Variants in UBE2U observed in about 807,000 individuals in gnomAD.
UBE2U encodes ubiquitin-conjugating enzyme E2 U.
A neutral mutation model predicts 41.2 loss-of-function variants in UBE2U; 39 were observed. That is an observed-to-expected ratio of 0.95 (90% CI 0.73 to 1.24). UBE2U has a LOEUF of 1.24. UBE2U is among the 50% of genes most tolerant of loss of function. UBE2U has a pLI of 0.00. For missense variants in UBE2U, 336 were observed against 363.1 expected (o/e 0.93, Z 0.61); for synonymous variants, 107 against 117.8 (o/e 0.91, Z 0.60).
intron 4 of UBE2U, among the ~76,000 whole-genome samples, chr1:64,212,795 A>C (rs1324030048): frequency 1.3e-5 from 2 of 152,192 alleles, no homozygotes; most frequent in Non-Finnish European, 2.9e-5. Context: ...TTAGGATTTC[A>C]GATTTTCAGA....
At chr1:64,265,234 A>C (rs1645238413) in intron 9 of UBE2U, among the ~76,000 whole-genome samples, 1 of 152,186 alleles carries the variant, frequency 6.6e-6, no homozygotes, top group Non-Finnish European at 1.5e-5. Flanking sequence ...GGAGTCACTG[A>C]AAACATTCAG....
intron 7 of UBE2U, among the ~76,000 whole-genome samples, chr1:64,240,065 T>C (rs369374191): frequency 1.4e-4 from 22 of 152,320 alleles, no homozygotes; most frequent in East Asian, 7.7e-4. Context: ...ATAAATCTTA[T>C]ATGAATTTGA....
rs1645262725 is a variant in UBE2U at position 64,266,888 on chromosome 1, A to G, written c.770-136A>G. On this transcript the variant is annotated intron_variant, in intron 9 of 9. Coordinates refer to ENST00000371077, the MANE Select transcript of UBE2U (RefSeq NM_001366232.2). ...AAGTTACTTACAAAACATGAAGTTTAGAAAGTGTATAAAAGGTTGCTCACA... is the reference window on the plus strand; with the variant it reads ...AAGTTACTTACAAAACATGAAGTTTGGAAAGTGTATAAAAGGTTGCTCACA... The G allele has an allele frequency of 6.9e-6, 5 of 726,894 alleles. No individual in the cohort carries two copies. In the East Asian group the frequency reaches 1.4e-4, roughly 21 times the overall value. 45.0% of individuals were successfully genotyped at this position (726,894 alleles called of 1,614,324 possible).
chr1:64,248,263 T>A (rs376420557), intron 8 of UBE2U, among the ~76,000 whole-genome samples: 16 of 152,208 alleles, frequency 1.1e-4, no homozygotes, highest in Middle Eastern at 6.8e-3. Flanking sequence ...AGAAATACGA[T>A]ACATGGGTTG....
intron 7 of UBE2U, among the ~76,000 whole-genome samples, chr1:64,240,062 T>G (rs945364938): frequency 6.6e-6 from 1 of 152,188 alleles, no homozygotes; most frequent in African/African-American, 2.4e-5. Context: ...TTAATAAATC[T>G]TATATGAATT....
Position 64,203,973 on chromosome 1 carries a change from G to A in UBE2U, c.-78G>A. On this transcript the variant is annotated 5_prime_UTR_variant, in exon 1 of 10. Coordinates refer to ENST00000371077, the MANE Select transcript of UBE2U (RefSeq NM_001366232.2). Reference sequence around the variant, plus strand: ...ATCAGTTTACTAAGTGTGGGAAAGTGACCCATAACTTCAAACATCTGCCTC... The same window carrying A: ...ATCAGTTTACTAAGTGTGGGAAAGTAACCCATAACTTCAAACATCTGCCTC... The A allele has an allele frequency of 7.5e-7, 1 of 1,329,042 alleles. No individual in the cohort carries two copies. The highest frequency in any genetic ancestry group is 1.3e-5 in the South Asian group (1 of 77,588). 82.3% of individuals were successfully genotyped at this position (1,329,042 alleles called of 1,614,324 possible).
chr1:64,207,181 C>G (rs891355300), intron 3 of UBE2U, among the ~76,000 whole-genome samples: 2 of 152,054 alleles, frequency 1.3e-5, no homozygotes, highest in South Asian at 4.1e-4. Context: ...GACAGAGTCT[C>G]TCTCTGTCGC....
intron 9 of UBE2U, among the ~76,000 whole-genome samples, chr1:64,265,094 C>T (rs705547): frequency 0.4 from 60,314 of 151,966 alleles, 13,062 homozygotes; most frequent in Middle Eastern, 0.52. Context: ...CGCTTTTTCC[C>T]CTGGATGTTG....
At chr1:64,230,884 A>G (rs1161578938) in intron 6 of UBE2U, among the ~76,000 whole-genome samples, 1 of 152,226 alleles carries the variant, frequency 6.6e-6, no homozygotes, top group Non-Finnish European at 1.5e-5. Context: ...TCATGACGTC[A>G]ATGATAATAC....
At chr1:64,227,247 A>G (rs1055740693) in intron 6 of UBE2U, among the ~76,000 whole-genome samples, 1 of 152,190 alleles carries the variant, frequency 6.6e-6, no homozygotes, top group Non-Finnish European at 1.5e-5. Context: ...CTTCTATTCA[A>G]CATTGTACTG....
chr1:64,255,942 T>A (rs1252928851), intron 8 of UBE2U, among the ~76,000 whole-genome samples: 9 of 152,142 alleles, frequency 5.9e-5, no homozygotes, highest in Admixed American at 2.0e-4. Context: ...ACAAAATCAA[T>A]GTGCAAAAAT....
At chr1:64,246,497 A>G (rs1040080346) in intron 8 of UBE2U, among the ~76,000 whole-genome samples, 3 of 152,154 alleles carry the variant, frequency 2.0e-5, no homozygotes, top group Non-Finnish European at 4.4e-5. Flanking sequence ...TGCTAGCTTT[A>G]TTCCCTAAAA....
intron 1 of UBE2U, 150 bp downstream of exon 1, chr1:64,204,266 A>G: frequency 1.6e-6 from 1 of 614,854 alleles, no homozygotes; most frequent in Non-Finnish European, 2.8e-6. Context: ...CACTGAAGTA[A>G]TGTGTTTCAT....
chr1:64,263,465 G>C (rs930192298), intron 9 of UBE2U, among the ~76,000 whole-genome samples: 1 of 152,112 alleles, frequency 6.6e-6, no homozygotes, highest in Non-Finnish European at 1.5e-5. Context: ...ATCTGAGCTT[G>C]CCCACCCACG....
In UBE2U at chr1:64,267,096, G is replaced by A; in HGVS notation, c.842G>A (p.Trp281Ter). The change falls in exon 10 of 10, where the codon TGG becomes TAG. Residue 281 changes from tryptophan to a stop codon, truncating the protein, a stop_gained. Coordinates refer to ENST00000371077, the MANE Select transcript of UBE2U (RefSeq NM_001366232.2). LOFTEE classifies it low-confidence loss of function (END_TRUNC). ...ATTTATGAAACAGAAGAGGAGGGGT[G>A]GAAGAGTGACACTTCATTATATGAA... ...TDIYETEEEG[W>*]KSDTSLYEND... The A allele has an allele frequency of 2.6e-6, 4 of 1,550,254 alleles. No individual in the cohort carries two copies. The East Asian group carries it at 9.8e-5, about 38-fold the overall frequency.
intron 5 of UBE2U, among the ~76,000 whole-genome samples, 167 bp downstream of exon 5, chr1:64,215,099 C>T (rs1467831452): frequency 6.6e-6 from 1 of 152,142 alleles, no homozygotes; most frequent in African/African-American, 2.4e-5. Flanking sequence ...GGCGTAGTGG[C>T]ACATGCCAGT....
Position 64,205,576 on chromosome 1 carries a change from T to A in UBE2U, c.67-63T>A. 8.6e-6 allele frequency: 12 copies of A among 1,401,688 alleles called. No individual in the cohort carries two copies. The South Asian group carries it at 1.1e-4, about 13-fold the overall frequency. 86.8% of individuals were successfully genotyped at this position (1,401,688 alleles called of 1,614,324 possible). On this transcript the variant is annotated intron_variant, in intron 1 of 9. Coordinates refer to ENST00000371077, the MANE Select transcript of UBE2U (RefSeq NM_001366232.2). ...AATTCAGTGTGACCTGGTATATGAT[T>A]TTCAAAACTTCAATAAATACTTAAT...
chr1:64,210,795 T>C lies in UBE2U; in HGVS notation c.295T>C (p.Trp99Arg). The change falls in exon 4 of 10, where the codon TGG becomes CGG. Residue 99 changes from tryptophan to arginine, a missense_variant. By Grantham distance (101) the Trp-to-Arg change is moderately radical. Transcript: ENST00000371077. ...AGACTTTTTGGACAACCCTGAGAAGTGGAATACAAACTATACATTGAGCAG... is the reference window on the plus strand; with the variant it reads ...AGACTTTTTGGACAACCCTGAGAAGCGGAATACAAACTATACATTGAGCAG... ...CIDFLDNPEK[W>R]NTNYTLSSIL... The C allele has an allele frequency of 6.2e-7, 1 of 1,608,044 alleles. No homozygotes were observed. Among genetic ancestry groups the C allele is most frequent in the East Asian group, 2.2e-5 (1 of 44,628 alleles).
rs370811653 is a variant in UBE2U, at chr1:64,257,289, C to T, written c.678-3314C>T. Among the ~76,000 whole-genome samples the T allele has an allele frequency of 2.1e-4, 32 of 152,252 alleles. 6 individuals are homozygous for T. In the South Asian group the frequency reaches 3.1e-3, roughly 15 times the overall value. On this transcript the variant is annotated intron_variant, in intron 8 of 9. Transcript: ENST00000371077. ...TATACCCAAAGGAATATAAATCATT[C>T]TGTTATAAGGACACATGCATGCCTA... is the stretch of plus-strand genomic sequence containing the variant.
Sources: gnomAD v4.1 joint callset for allele counts (sites outside exome capture counted in the v4.1 genomes callset) on GRCh38, gnomAD v4.1.1 for gene constraint, MANE v1.5 for transcripts, NCBI Gene and HGNC (gene_info 2026-07-23, HGNC 2026-07-21) for gene names.